SPP2: variants seen among roughly 807,000 people sequenced by gnomAD.
SPP2 encodes secreted phosphoprotein 24.
In SPP2, 34 loss-of-function variants were observed where a neutral mutation model predicts 28.8. The ratio of observed to expected loss-of-function variants is 1.18; its 90% confidence interval spans 0.90 to 1.57. SPP2 has a LOEUF of 1.57. Among genes scored for constraint, SPP2 ranks in the 40% most tolerant of loss-of-function variants. The pLI is 0.00. For missense variants in SPP2, 269 were observed against 263.9 expected (o/e 1.02, Z -0.13); for synonymous variants, 96 against 89.4 (o/e 1.07, Z -0.42).
rs774506787 is a variant in SPP2 at position 234,058,909 on chromosome 2, A to G, written c.284A>G (p.Asp95Gly). Residue 95 changes from aspartate to glycine, a missense_variant, in exon 3 of 8, where the codon GAT (aspartate) becomes GGT (glycine). Physicochemically the swap from Asp to Gly is moderately conservative, Grantham distance 94 (BLOSUM62 -1). Transcript: ENST00000168148. ...FSIRETTCRKDSGEDPATCAF... is the reference protein window; with the variant it reads ...FSIRETTCRKGSGEDPATCAF... The stretch of plus-strand genomic sequence containing the variant: ...ATCCGGGAGACTACATGCAGGAAGG[A>G]TTCTGGAGAAGATCCCGCTACATGT... 1.5e-5 allele frequency: 25 copies of G among 1,613,994 alleles called. No individual in the cohort carries two copies. The highest frequency in any genetic ancestry group is 2.1e-5 in the Non-Finnish European group (25 of 1,179,982).
intron 7 of SPP2, 27 bp downstream of exon 7, chr2:234,070,050 G>A (rs776664662): frequency 2.5e-6 from 4 of 1,580,572 alleles, no homozygotes; most frequent in East Asian, 2.2e-5. Flanking sequence ...GCACACAAGT[G>A]TATTTAGAAA....
At chr2:234,074,132 C>T (rs183220482) in intron 7 of SPP2, among the ~76,000 whole-genome samples, 15 of 152,264 alleles carry the variant, frequency 9.9e-5, no homozygotes, top group Admixed American at 6.5e-4. Context: ...CTCTTGATGT[C>T]TGTCTGTTTC....
At position 234,067,299 on chromosome 2, in the gene SPP2, CCA is replaced by C. The variant is rs780022448; in HGVS notation, c.550+27_550+28del. The C allele has an allele frequency of 2.5e-6, 4 of 1,611,882 alleles. No homozygotes were observed. The African/African-American group carries it at 5.3e-5, about 21-fold the overall frequency. ...GGTAAGTGATTTCTTTCCTGCTGTG[CCA>C]CCAGACCCTTTTCTGATCAATCTGG... is the stretch of plus-strand genomic sequence containing the variant. On this transcript the variant is annotated intron_variant, in intron 6 of 7. Coordinates refer to ENST00000168148, the MANE Select transcript of SPP2 (RefSeq NM_006944.3).
intron 5 of SPP2, 37 bp from the exon 6 acceptor site, chr2:234,067,187 A>T: frequency 6.3e-7 from 1 of 1,580,244 alleles, no homozygotes. Flanking sequence ...TGGAACAGTG[A>T]GAGGAGTCTT....
intron 5 of SPP2, 130 bp from the exon 6 acceptor site, chr2:234,067,094 A>G: frequency 1.1e-6 from 1 of 893,884 alleles, no homozygotes; most frequent in South Asian, 1.4e-5. Flanking sequence ...TGCTGACGGC[A>G]ATAAAACTCA....
chr2:234,052,742 T>A (rs1055187038), intron 2 of SPP2, among the ~76,000 whole-genome samples: 1 of 152,238 alleles, frequency 6.6e-6, no homozygotes, highest in African/African-American at 2.4e-5. Flanking sequence ...CTTTTCTGAT[T>A]ATTCAAATTC....
At chr2:234,076,401 C>T (rs1432321362) in intron 7 of SPP2, among the ~76,000 whole-genome samples, 1 of 152,122 alleles carries the variant, frequency 6.6e-6, no homozygotes, top group African/African-American at 2.4e-5. Context: ...CCTCGGGTTT[C>T]CTGCACATAG....
rs1445604910 is a variant in SPP2 at position 234,050,765 on chromosome 2, T to C, written c.-22T>C. On this transcript the variant is annotated 5_prime_UTR_variant, in exon 1 of 8. Coordinates refer to ENST00000168148, the MANE Select transcript of SPP2 (RefSeq NM_006944.3). ...CATCCCCAAACACATAGAGAGACAC[T>C]CTCTGTCTCTCGATTACAATCATGA... is the stretch of plus-strand genomic sequence containing the variant. The C allele has an allele frequency of 6.3e-7, 1 of 1,585,092 alleles. No homozygotes were observed. Among genetic ancestry groups the C allele is most frequent in the Admixed American group, 1.7e-5 (1 of 59,976 alleles).
intron 7 of SPP2, among the ~76,000 whole-genome samples, chr2:234,075,724 T>C (rs1383932566): frequency 6.6e-6 from 1 of 152,172 alleles, no homozygotes; most frequent in Non-Finnish European, 1.5e-5. Context: ...CTGGGGATTC[T>C]TCCCCCTCTC....
intron 4 of SPP2, among the ~76,000 whole-genome samples, chr2:234,066,240 G>A (rs1465246107): frequency 1.3e-5 from 2 of 152,188 alleles, no homozygotes; most frequent in Non-Finnish European, 2.9e-5. Flanking sequence ...GCAAGTCTGT[G>A]TAACAGGGTT....
intron 7 of SPP2, among the ~76,000 whole-genome samples, chr2:234,073,918 T>G (rs184973548): frequency 6.6e-6 from 1 of 152,238 alleles, no homozygotes; most frequent in Non-Finnish European, 1.5e-5. Context: ...GTTCATTAAA[T>G]GCCCCTCTAT....
At chr2:234,060,574 CACCTGGGCTTG>C in intron 4 of SPP2, 95 bp downstream of exon 4, 1 of 965,452 alleles carries the variant, frequency 1.0e-6, no homozygotes, top group Non-Finnish European at 1.6e-6. Flanking sequence ...GCTGGATCAT[CACCTGGGCTTG>C]GGGATGCCGA....
intron 7 of SPP2, 110 bp downstream of exon 7, chr2:234,070,133 G>A: frequency 1.2e-6 from 1 of 804,206 alleles, no homozygotes; most frequent in Non-Finnish European, 2.0e-6. Flanking sequence ...TCAAATCCTT[G>A]CTTTTCGGCT....
chr2:234,076,218 G>A (rs1353180005), intron 7 of SPP2, among the ~76,000 whole-genome samples: 3 of 152,152 alleles, frequency 2.0e-5, no homozygotes, highest in African/African-American at 7.2e-5. Context: ...CCAGCCTTGA[G>A]TGCTGCTTCT....
chr2:234,053,929 A>T (rs1413110208), intron 2 of SPP2, among the ~76,000 whole-genome samples: 1 of 149,458 alleles, frequency 6.7e-6, no homozygotes, highest in Non-Finnish European at 1.5e-5. Context: ...ATGGGGAGGG[A>T]GGGGAAGGGG....
Position 234,058,916 on chromosome 2 carries a change from A to G in SPP2, c.291A>G (p.Gly97=), listed in dbSNP as rs767922550. The change falls in exon 3 of 8, where the codon GGA becomes GGG. Residue 97 remains glycine (G), a synonymous_variant. Transcript: ENST00000168148. ...IRETTCRKDS[G]EDPATCAFQR... ...AGACTACATGCAGGAAGGATTCTGG[A>G]GAAGATCCCGCTACATGTGCCTTCC... 6.2e-7 allele frequency: 1 copy of G among 1,614,096 alleles called. No homozygotes were observed. The highest frequency in any genetic ancestry group is 8.5e-7 in the Non-Finnish European group (1 of 1,179,964).
At chr2:234,054,209 A>G (rs369359260) in intron 2 of SPP2, among the ~76,000 whole-genome samples, 4 of 152,282 alleles carry the variant, frequency 2.6e-5, no homozygotes, top group African/African-American at 9.6e-5. Context: ...AGACCTTGAG[A>G]GGGAGGCTGG....
chr2:234,056,541 C>T (rs1693610553), intron 2 of SPP2, among the ~76,000 whole-genome samples: 1 of 152,124 alleles, frequency 6.6e-6, no homozygotes. Context: ...TATCTCATAG[C>T]TCAATAAAAT....
chr2:234,057,719 T>C (rs1461314776), intron 2 of SPP2, among the ~76,000 whole-genome samples: 2 of 152,220 alleles, frequency 1.3e-5, no homozygotes, highest in African/African-American at 4.8e-5. Flanking sequence ...GGAGTTTAGA[T>C]TATTTTCCTT....
Sources: allele counts gnomAD v4.1 joint callset (sites outside exome capture counted in the v4.1 genomes callset), GRCh38; gene constraint gnomAD v4.1.1; transcripts MANE v1.5; gene names NCBI Gene and HGNC (gene_info 2026-07-23, HGNC 2026-07-21).